KCNQ1: variants seen among roughly 807,000 people sequenced by gnomAD.
The protein encoded by KCNQ1 is potassium voltage-gated channel subfamily Q member 1.
Under a neutral mutation model 72.4 loss-of-function variants are expected in KCNQ1, and 49 were observed. The ratio of observed to expected loss-of-function variants is 0.68; its 90% confidence interval spans 0.54 to 0.86. The LOEUF is 0.86. Among genes scored for constraint, KCNQ1 ranks in the 40% least tolerant of loss-of-function variants. KCNQ1 has a pLI of 0.00. For missense variants in KCNQ1, 790 were observed against 945.1 expected (o/e 0.84, Z 2.15); for synonymous variants, 450 against 412.6 (o/e 1.09, Z -1.10).
chr11:2,799,143 G>C (rs952282409), intron 15 of KCNQ1, among the ~76,000 whole-genome samples: 16 of 152,352 alleles, frequency 1.1e-4, no homozygotes, highest in African/African-American at 3.6e-4. Flanking sequence ...ACAGGCACGT[G>C]CCTGGAACAG....
At position 2,719,005 on chromosome 11, in the gene KCNQ1, A is replaced by G. The variant is rs530058637; in HGVS notation, c.1515-49839A>G. On this transcript the variant is annotated intron_variant, in intron 11 of 15. Coordinates refer to ENST00000155840, the MANE Select transcript of KCNQ1 (RefSeq NM_000218.3). ...GAAGGCTTGGCGTCTGCCAGGGACC[A>G]TAGACCACAGATACTCATCTACGCT... Among the ~76,000 whole-genome samples, 3 of 152,364 alleles carry G rather than the reference A, an allele frequency of 2.0e-5. No individual in the cohort carries two copies. In the South Asian group the frequency reaches 6.2e-4, roughly 32 times the overall value.
rs1845745621 is a variant in KCNQ1, at chr11:2,725,605, C to T, written c.1515-43239C>T. ...GAACCCAAGTCAGACTTGCCCTCGC[C>T]CCCTTCCCGAACGTACCCTTTCCAT... On this transcript the variant is annotated intron_variant, in intron 11 of 15. Transcript: ENST00000155840. The surrounding 1 kb of genome is among the most constrained non-coding windows in gnomAD (Gnocchi z 7.2). Among the ~76,000 whole-genome samples the T allele has an allele frequency of 6.6e-6, 1 of 152,206 alleles. No homozygotes were observed. Among genetic ancestry groups the T allele is most frequent in the African/African-American group, 2.4e-5 (1 of 41,442 alleles).
chr11:2,827,518 C>T lies in KCNQ1; in HGVS notation c.1795-20249C>T, dbSNP rs1272242969. 1.3e-5 allele frequency among the ~76,000 whole-genome samples: 2 copies of T among 152,010 alleles called. No individual in the cohort carries two copies. The highest frequency in any genetic ancestry group is 4.8e-5 in the African/African-American group (2 of 41,368). ...CCCACGTCATCCCCCTTTCTGTCCA[C>T]CCGCCGGAATGTGACGCACGCCTGA... is the stretch of plus-strand genomic sequence containing the variant. On this transcript the variant is annotated intron_variant, in intron 15 of 15. Coordinates refer to ENST00000155840, the MANE Select transcript of KCNQ1 (RefSeq NM_000218.3). The surrounding 1 kb of genome is among the most constrained non-coding windows in gnomAD (Gnocchi z 6.7).
intron 11 of KCNQ1, chr11:2,688,910 A>G (rs1242232625): frequency 2.5e-5 from 10 of 398,714 alleles, no homozygotes; most frequent in Admixed American, 8.8e-5. Context: ...GGCTAGGGCC[A>G]CCCCACACAG....
intron 15 of KCNQ1, among the ~76,000 whole-genome samples, chr11:2,812,456 C>CCTGTGATGCA (rs1476940704): frequency 1.3e-5 from 2 of 152,200 alleles, no homozygotes; most frequent in Non-Finnish European, 2.9e-5. Flanking sequence ...ACAGCCTGCC[C>CCTGTGATGCA]GGCCGGCTCT....
At chr11:2,607,314 C>T (rs1206164871) in intron 10 of KCNQ1, among the ~76,000 whole-genome samples, 3 of 152,098 alleles carry the variant, frequency 2.0e-5, no homozygotes, top group Non-Finnish European at 2.9e-5. Context: ...AATTTTATCA[C>T]CCAAATGCTT....
At chr11:2,804,582 G>A (rs959152625) in intron 15 of KCNQ1, among the ~76,000 whole-genome samples, 1 of 152,202 alleles carries the variant, frequency 6.6e-6, no homozygotes, top group Non-Finnish European at 1.5e-5. Flanking sequence ...ACTTGACAGA[G>A]TGGTTCCAGG....
chr11:2,605,226 C>CTCT (rs1848862718), intron 10 of KCNQ1, among the ~76,000 whole-genome samples: 1 of 152,140 alleles, frequency 6.6e-6, no homozygotes, highest in African/African-American at 2.4e-5. Context: ...AATATTTTCT[C>CTCT]CCATCTGTAG....
At chr11:2,633,723 T>C (rs974836504) in intron 10 of KCNQ1, 15 of 398,498 alleles carry the variant, frequency 3.8e-5, no homozygotes, top group South Asian at 1.3e-4. Context: ...CATTGGTCTA[T>C]ATGTCTGTTT....
chr11:2,613,590 T>A lies in KCNQ1; in HGVS notation c.1393+24736T>A, dbSNP rs1849015395. 1 of 398,584 alleles carries A rather than the reference T, an allele frequency of 2.5e-6. No homozygotes were observed. Among genetic ancestry groups the A allele is most frequent in the East Asian group, 3.6e-5 (1 of 28,074 alleles). 24.7% of individuals were successfully genotyped at this position (398,584 alleles called of 1,614,324 possible). On this transcript the variant is annotated intron_variant, in intron 10 of 15. Transcript: ENST00000155840. This position sits in a 1 kb window ranked among gnomAD's most constrained non-coding sequence, Gnocchi z 4.8. ...AATATTTTTTCTTTAATTAGCACTTTTCAATTTTATATTTCTTTGTCCAGT... is the reference window on the plus strand; with the variant it reads ...AATATTTTTTCTTTAATTAGCACTTATCAATTTTATATTTCTTTGTCCAGT...
Position 2,618,658 on chromosome 11 carries a change from T to A in KCNQ1, c.1393+29804T>A, listed in dbSNP as rs184701616. 8.4e-4 allele frequency: 336 copies of A among 398,608 alleles called. 2 individuals are homozygous for A. Among genetic ancestry groups the A allele is most frequent in the African/African-American group, 5.7e-3 (276 of 48,770 alleles). The allele number at this position is 398,608 out of a possible 1,614,324, so 24.7% of individuals were successfully genotyped here. On this transcript the variant is annotated intron_variant, in intron 10 of 15. Coordinates refer to ENST00000155840, the MANE Select transcript of KCNQ1 (RefSeq NM_000218.3). ...CCCTTTGTTTTTCAGAACAGAATTT[T>A]CAGAATTTCGTTGGCTACTTAAGGT...
Position 2,445,235 on chromosome 11 carries a change from C to T in KCNQ1, c.137C>T (p.Ala46Val). ...FSLELAEGGP[A>V]GGALYAPIAP... Reference sequence around the variant, plus strand: ...CTGGAGCTGGCGGAGGGCGGCCCGGCGGGCGGCGCGCTCTACGCGCCCATC... The same window carrying T: ...CTGGAGCTGGCGGAGGGCGGCCCGGTGGGCGGCGCGCTCTACGCGCCCATC... Residue 46 changes from alanine to valine, a missense_variant, in exon 1 of 16, where the codon GCG becomes GTG. This residue lies in a region of KCNQ1 where 294 missense variants were observed against 323.3 expected (regional missense o/e 0.91). Coordinates refer to ENST00000155840, the MANE Select transcript of KCNQ1 (RefSeq NM_000218.3). 1.7e-6 allele frequency: 2 copies of T among 1,146,074 alleles called. No individual in the cohort carries two copies. Among genetic ancestry groups the T allele is most frequent in the South Asian group, 6.6e-5 (2 of 30,288 alleles). 71.0% of individuals were successfully genotyped at this position (1,146,074 alleles called of 1,614,324 possible). A position where few individuals can be genotyped will look rare whatever the true frequency, so the allele number is the denominator to read the frequency against.
At position 2,491,283 on chromosome 11, in the gene KCNQ1, G is replaced by T. The variant is rs184781683; in HGVS notation, c.387-36645G>T. On this transcript the variant is annotated intron_variant, in intron 1 of 15. Coordinates refer to ENST00000155840, the MANE Select transcript of KCNQ1 (RefSeq NM_000218.3). This position sits in a 1 kb window ranked among gnomAD's most constrained non-coding sequence, Gnocchi z 4.1. ...TCAGGGACCAATCCTGAAGAAAAGA[G>T]ATATGTGACCTTTCAGAGAGAGAAT... is the stretch of plus-strand genomic sequence containing the variant. Among the ~76,000 whole-genome samples the T allele has an allele frequency of 2.0e-5, 3 of 152,230 alleles. No individual in the cohort carries two copies. The highest frequency in any genetic ancestry group is 4.4e-5 in the Non-Finnish European group (3 of 68,042).
intron 10 of KCNQ1, chr11:2,628,339 T>C (rs1045111893): frequency 2.3e-5 from 9 of 398,482 alleles, no homozygotes; most frequent in East Asian, 3.6e-5. Context: ...CTAACAGTTA[T>C]GAGGTGATAT....
intron 11 of KCNQ1, among the ~76,000 whole-genome samples, chr11:2,706,105 G>C (rs542730423): frequency 6.6e-6 from 1 of 152,350 alleles, no homozygotes; most frequent in Non-Finnish European, 1.5e-5. Flanking sequence ...GGTGGTTTTA[G>C]TATGTGTCTA....
chr11:2,515,221 T>C lies in KCNQ1; in HGVS notation c.387-12707T>C, dbSNP rs1480323597. 6.6e-6 allele frequency among the ~76,000 whole-genome samples: 1 copy of C among 152,202 alleles called. No individual in the cohort carries two copies. Among genetic ancestry groups the C allele is most frequent in the Non-Finnish European group, 1.5e-5 (1 of 68,042 alleles). Reference sequence around the variant, plus strand: ...AGTCCCAGAGTGACCTTTCTCCGTCTTTCTGTCCAAGCATCCCATCTGTCT... The same window carrying C: ...AGTCCCAGAGTGACCTTTCTCCGTCCTTCTGTCCAAGCATCCCATCTGTCT... On this transcript the variant is annotated intron_variant, in intron 1 of 15. Coordinates refer to ENST00000155840, the MANE Select transcript of KCNQ1 (RefSeq NM_000218.3). The surrounding 1 kb of genome is among the most constrained non-coding windows in gnomAD (Gnocchi z 4.7).
At chr11:2,842,146 C>A (rs934285068) in intron 15 of KCNQ1, among the ~76,000 whole-genome samples, 3 of 152,204 alleles carry the variant, frequency 2.0e-5, no homozygotes, top group Admixed American at 2.0e-4. Flanking sequence ...TGAGCGGACA[C>A]ACTCACCCTC....
At chr11:2,641,938 C>T in intron 10 of KCNQ1, 1 of 398,414 alleles carries the variant, frequency 2.5e-6, no homozygotes, top group East Asian at 3.6e-5. Context: ...AATCAGTTGG[C>T]TGTAAATACA....
intron 11 of KCNQ1, among the ~76,000 whole-genome samples, chr11:2,722,789 T>C (rs1845691099): frequency 6.6e-6 from 1 of 152,040 alleles, no homozygotes; most frequent in Non-Finnish European, 1.5e-5. Context: ...CCAAGACCCT[T>C]CCTCCCTCCT....
Sources: allele counts gnomAD v4.1 joint callset (sites outside exome capture counted in the v4.1 genomes callset), GRCh38; gene constraint gnomAD v4.1.1; regional missense constraint gnomAD v4.1.1; non-coding constraint Gnocchi (gnomAD v3.1); transcripts MANE v1.5; gene names NCBI Gene and HGNC (gene_info 2026-07-23, HGNC 2026-07-21).